GFRA1: variants seen among roughly 807,000 people sequenced by gnomAD.
GFRA1 encodes GDNF family receptor alpha 1, also known as GDNF family receptor alpha-1.
Under a neutral mutation model 51.6 loss-of-function variants are expected in GFRA1, and 16 were observed. The observed-to-expected ratio is 0.31, with a 90% CI of 0.21 to 0.47. GFRA1 has a LOEUF of 0.47. GFRA1 is among the 20% of genes least tolerant of loss of function. The pLI, the probability that GFRA1 is intolerant of heterozygous loss-of-function variation, is 1.00. For synonymous variants in GFRA1, 270 were observed against 241.3 expected (o/e 1.12, Z -1.10); for missense variants, 530 against 594.3 (o/e 0.89, Z 1.13).
In GFRA1 at chr10:116,246,032, T is replaced by C. The variant is rs76138097; in HGVS notation, c.418+23471A>G. 8.1e-3 allele frequency among the ~76,000 whole-genome samples: 1,239 copies of C among 152,320 alleles called. 18 individuals are homozygous for C. The highest frequency in any genetic ancestry group is 0.028 in the African/African-American group (1,166 of 41,574). ...GGCACTGTACATTTGTCAAAACTCATAGAACTGTTTAACATAAAGAGGGAA... is the reference window on the plus strand; with the variant it reads ...GGCACTGTACATTTGTCAAAACTCACAGAACTGTTTAACATAAAGAGGGAA... On this transcript the variant is annotated intron_variant, in intron 4 of 10. Transcript: ENST00000355422.
At chr10:116,139,811 C>A (rs1235264796) in intron 5 of GFRA1, among the ~76,000 whole-genome samples, 1 of 152,224 alleles carries the variant, frequency 6.6e-6, no homozygotes, top group East Asian at 1.9e-4. Context: ...TCCATCGGAG[C>A]ACAGCCTGGG....
intron 9 of GFRA1, among the ~76,000 whole-genome samples, chr10:116,088,453 A>G (rs1361458641): frequency 6.6e-6 from 1 of 152,174 alleles, no homozygotes; most frequent in Non-Finnish European, 1.5e-5. Context: ...AATCACAGAA[A>G]GAACGAGGCT....
At chr10:116,222,281 C>T (rs1343645376) in intron 4 of GFRA1, among the ~76,000 whole-genome samples, 1 of 152,126 alleles carries the variant, frequency 6.6e-6, no homozygotes, top group Non-Finnish European at 1.5e-5. Context: ...TCACTGCAAC[C>T]TCCGTCTTCT....
At chr10:116,068,242 G>T (rs1456244019) in intron 9 of GFRA1, among the ~76,000 whole-genome samples, 4 of 152,194 alleles carry the variant, frequency 2.6e-5, no homozygotes, top group Non-Finnish European at 4.4e-5. Context: ...TGCTTACATT[G>T]TGTGTTAACA....
intron 5 of GFRA1, among the ~76,000 whole-genome samples, chr10:116,130,105 G>A (rs1958046235): frequency 6.7e-6 from 1 of 148,854 alleles, no homozygotes; most frequent in Admixed American, 6.7e-5. Flanking sequence ...GCACTTAAAA[G>A]GAATATAACA....
intron 5 of GFRA1, among the ~76,000 whole-genome samples, chr10:116,138,642 C>CT (rs1047081650): frequency 2.1e-5 from 3 of 143,322 alleles, no homozygotes; most frequent in African/African-American, 7.8e-5. Flanking sequence ...GGAACCCCCC[C>CT]CCGACCCACC....
intron 4 of GFRA1, chr10:116,226,694 AG>A: frequency 7.6e-6 from 2 of 264,154 alleles, no homozygotes; most frequent in South Asian, 7.8e-5. Context: ...TATTTCTATT[AG>A]TACTACATTG....
At chr10:116,161,165 G>T (rs1416683772) in intron 5 of GFRA1, among the ~76,000 whole-genome samples, 1 of 152,172 alleles carries the variant, frequency 6.6e-6, no homozygotes, top group Non-Finnish European at 1.5e-5. Context: ...ATAGACAGGA[G>T]GGGTAGGACA....
At chr10:116,169,975 T>C (rs1446773340) in intron 5 of GFRA1, among the ~76,000 whole-genome samples, 1 of 152,164 alleles carries the variant, frequency 6.6e-6, no homozygotes, top group African/African-American at 2.4e-5. Flanking sequence ...GGTTTGTTCC[T>C]GCCAGTGCCC....
rs530079193 is a variant in GFRA1, at chr10:116,074,730, T to A, written c.1198-9104A>T. Among the ~76,000 whole-genome samples, 9 of 152,254 alleles carry A rather than the reference T, an allele frequency of 5.9e-5. No homozygotes were observed. The East Asian group carries it at 1.7e-3, about 29-fold the overall frequency. ...GTCTCATTTTCTTGGGTTTGAAATA[T>A]AAGGGGCAGAGAGGAGGGATGCTCT... On this transcript the variant is annotated intron_variant, in intron 9 of 10. Coordinates refer to ENST00000355422, the MANE Select transcript of GFRA1 (RefSeq NM_005264.8).
At chr10:116,113,971 T>G (rs1348414034) in intron 6 of GFRA1, among the ~76,000 whole-genome samples, 1 of 152,130 alleles carries the variant, frequency 6.6e-6, no homozygotes, top group Non-Finnish European at 1.5e-5. Flanking sequence ...CCCGGCTCTG[T>G]GCATTCTAAG....
chr10:116,077,501 A>G (rs1389231830), intron 9 of GFRA1, among the ~76,000 whole-genome samples: 2 of 152,206 alleles, frequency 1.3e-5, no homozygotes, highest in African/African-American at 4.8e-5. Context: ...ATAGAATTGC[A>G]CAATTGCTAA....
chr10:116,064,412 T>TTAAAGATAATAGGGTGGACAGAGCG lies in GFRA1; in HGVS notation c.1359_1383dup (p.Thr462ArgfsTer24). On this transcript the variant is annotated frameshift_variant, in exon 11 of 11. Coordinates refer to ENST00000355422, the MANE Select transcript of GFRA1 (RefSeq NM_005264.8). LOFTEE classifies it high-confidence loss of function. Reference sequence around the variant, plus strand: ...TTTTAATGCAGCTATGATGTTTCTGTTAAAGATAATAGGGTGGACAGAGCG... The same window carrying TTAAAGATAATAGGGTGGACAGAGCG: ...TTTTAATGCAGCTATGATGTTTCTGTTAAAGATAATAGGGTGGACAGAGCGTAAAGATAATAGGGTGGACAGAGCG... The TTAAAGATAATAGGGTGGACAGAGCG allele has an allele frequency of 6.2e-7, 1 of 1,612,684 alleles. No homozygotes were observed. Among genetic ancestry groups the TTAAAGATAATAGGGTGGACAGAGCG allele is most frequent in the Non-Finnish European group, 8.5e-7 (1 of 1,179,840 alleles).
Position 116,089,926 on chromosome 10 carries a change from C to A in GFRA1, c.1016-4G>T. On this transcript the variant is annotated splice_polypyrimidine_tract_variant and splice_region_variant and intron_variant, in intron 8 of 10. Transcript: ENST00000355422. The stretch of plus-strand genomic sequence containing the variant: ...CCAAAGGCTTGAATTGCATTTTCTG[C>A]AGTAAAACAGGAGGAAATCCAATTT... 1 of 1,609,526 alleles carries A rather than the reference C, an allele frequency of 6.2e-7. No individual in the cohort carries two copies. Among genetic ancestry groups the A allele is most frequent in the Non-Finnish European group, 8.5e-7 (1 of 1,177,674 alleles).
chr10:116,217,096 T>C (rs1377486496), intron 4 of GFRA1, among the ~76,000 whole-genome samples: 4 of 152,166 alleles, frequency 2.6e-5, no homozygotes, highest in African/African-American at 9.7e-5. Context: ...CCCACGGCAC[T>C]CCAGGGCAGT....
intron 4 of GFRA1, among the ~76,000 whole-genome samples, chr10:116,212,876 T>C (rs879621298): frequency 6.6e-6 from 1 of 152,234 alleles, no homozygotes; most frequent in Non-Finnish European, 1.5e-5. Context: ...CAAACTTATG[T>C]ACAAATGCCA....
chr10:116,205,964 A>T (rs990570554), intron 5 of GFRA1, among the ~76,000 whole-genome samples: 1 of 151,294 alleles, frequency 6.6e-6, no homozygotes, highest in African/African-American at 2.4e-5. Flanking sequence ...ACACACACAC[A>T]CACACAAAGT....
chr10:116,211,743 T>G, intron 4 of GFRA1, 98 bp from the exon 5 acceptor site: 2 of 983,938 alleles, frequency 2.0e-6, no homozygotes, highest in Non-Finnish European at 3.1e-6. Flanking sequence ...GATGATGACA[T>G]ATGCTGACTT....
intron 3 of GFRA1, among the ~76,000 whole-genome samples, chr10:116,269,880 C>T (rs1843760307): frequency 6.6e-6 from 1 of 152,020 alleles, no homozygotes; most frequent in South Asian, 2.1e-4. Context: ...AGGGAAGAGC[C>T]GGTGACGTCA....
Sources: allele counts gnomAD v4.1 joint callset (sites outside exome capture counted in the v4.1 genomes callset), GRCh38; gene constraint gnomAD v4.1.1; transcripts MANE v1.5; gene names NCBI Gene and HGNC (gene_info 2026-07-23, HGNC 2026-07-21).